CTNNA1: variants seen among roughly 807,000 people sequenced by gnomAD.
CTNNA1 encodes the protein catenin alpha 1.
CTNNA1 carries 37 observed loss-of-function variants against 98.4 expected under a neutral mutation model. The observed-to-expected ratio is 0.38, with a 90% CI of 0.29 to 0.49. The LOEUF (loss-of-function observed/expected upper bound fraction) is 0.49, where lower values mean the gene tolerates loss of function less well. CTNNA1 is among the 20% of genes least tolerant of loss of function. CTNNA1 has a pLI of 0.95. For missense variants in CTNNA1, 761 were observed against 1,147.2 expected (o/e 0.66, Z 4.86); for synonymous variants, 404 against 413.2 (o/e 0.98, Z 0.27).
chr5:138,922,477 T>C (rs2150269776), intron 11 of CTNNA1, among the ~76,000 whole-genome samples: 1 of 152,368 alleles, frequency 6.6e-6, no homozygotes. Context: ...TTCATTTACA[T>C]ATAGTTGTCT....
chr5:138,919,289 A>G (rs775819724), intron 11 of CTNNA1, among the ~76,000 whole-genome samples: 7 of 152,188 alleles, frequency 4.6e-5, no homozygotes, highest in African/African-American at 9.7e-5. Context: ...GCAAACAACA[A>G]ATTCTGAAAT....
At position 138,924,595 on chromosome 5, in the gene CTNNA1, A is replaced by C. The variant is rs777464189; in HGVS notation, c.1632A>C (p.Ala544=). ...ATGGCCTGGACCGCACAGCTGGTGC[A>C]ATTCGAGGCCGGGCAGCCCGGGTCA... ...DVDGLDRTAG[A]IRGRAARVIH... Residue 544 remains alanine, a synonymous_variant, in exon 12 of 18, where the codon GCA becomes GCC. Coordinates refer to ENST00000302763, the MANE Select transcript of CTNNA1 (RefSeq NM_001903.5). 2.1e-5 allele frequency: 34 copies of C among 1,614,066 alleles called. No homozygotes were observed. The African/African-American group carries it at 3.6e-4, about 17-fold the overall frequency.
chr5:138,874,687 T>C lies in CTNNA1; in HGVS notation c.1063-11525T>C. ...CACTGCATATAACTTATTTTTCATT[T>C]ACTGCAGAAAAATTAACCTTATTGG... is the stretch of plus-strand genomic sequence containing the variant. On this transcript the variant is annotated intron_variant, in intron 7 of 17. Coordinates refer to ENST00000302763, the MANE Select transcript of CTNNA1 (RefSeq NM_001903.5). This position sits in a 1 kb window ranked among gnomAD's most constrained non-coding sequence, Gnocchi z 4.1. The C allele has an allele frequency of 2.7e-6, 2 of 752,732 alleles. No individual in the cohort carries two copies. The highest frequency in any genetic ancestry group is 2.7e-5 in the East Asian group (1 of 36,910). The allele number at this position is 752,732 out of a possible 1,614,324, so 46.6% of individuals were successfully genotyped here. A position where few individuals can be genotyped will look rare whatever the true frequency, so the allele number is the denominator to read the frequency against.
intron 9 of CTNNA1, among the ~76,000 whole-genome samples, chr5:138,892,185 G>A (rs1320310929): frequency 2.0e-5 from 3 of 152,020 alleles, no homozygotes; most frequent in Non-Finnish European, 4.4e-5. Flanking sequence ...TGTTACAGGC[G>A]TGTCCTTAAC....
chr5:138,887,438 T>G (rs757108125), intron 8 of CTNNA1, 52 bp from the exon 9 acceptor site: 18 of 1,392,598 alleles, frequency 1.3e-5, no homozygotes, highest in Non-Finnish European at 1.3e-5. Context: ...AGCAATCTAT[T>G]TAATACCTTT....
intron 1 of CTNNA1, among the ~76,000 whole-genome samples, chr5:138,775,736 T>A (rs968438220): frequency 1.4e-5 from 2 of 143,090 alleles, no homozygotes; most frequent in Non-Finnish European, 3.0e-5. Flanking sequence ...TTTTTTTTTT[T>A]TTTGAGTCGG....
At chr5:138,921,791 G>A (rs1241622613) in intron 11 of CTNNA1, among the ~76,000 whole-genome samples, 1 of 151,586 alleles carries the variant, frequency 6.6e-6, no homozygotes, top group Non-Finnish European at 1.5e-5. Flanking sequence ...AGTAGAGACG[G>A]GGTTTCACCA....
At chr5:138,804,839 C>A (rs1210116143) in intron 3 of CTNNA1, among the ~76,000 whole-genome samples, 1 of 152,118 alleles carries the variant, frequency 6.6e-6, no homozygotes, top group Non-Finnish European at 1.5e-5. Flanking sequence ...ATGAAAACTG[C>A]AATTACTTTT....
intron 7 of CTNNA1, among the ~76,000 whole-genome samples, chr5:138,852,202 A>G (rs895661479): frequency 2.4e-4 from 36 of 152,324 alleles, no homozygotes; most frequent in Admixed American, 1.8e-3. Context: ...TACTTGAGTA[A>G]TAGGGGTATG....
At chr5:138,855,440 A>T (rs1763649409) in intron 7 of CTNNA1, among the ~76,000 whole-genome samples, 1 of 152,280 alleles carries the variant, frequency 6.6e-6, no homozygotes, top group Non-Finnish European at 1.5e-5. Flanking sequence ...CAAAGTTACC[A>T]GCAGATGCCC....
chr5:138,911,331 C>T (rs1228110869), intron 10 of CTNNA1, among the ~76,000 whole-genome samples: 1 of 152,130 alleles, frequency 6.6e-6, no homozygotes, highest in African/African-American at 2.4e-5. Context: ...AATGGCCTCC[C>T]AAACATGTCA....
At chr5:138,864,237 C>T (rs1235154190) in intron 7 of CTNNA1, among the ~76,000 whole-genome samples, 1 of 152,180 alleles carries the variant, frequency 6.6e-6, no homozygotes, top group Non-Finnish European at 1.5e-5. Flanking sequence ...CAGGCATGAG[C>T]CACTGCACCT....
chr5:138,858,621 A>T (rs1202994017), intron 7 of CTNNA1, among the ~76,000 whole-genome samples: 18 of 88,276 alleles, frequency 2.0e-4, no homozygotes, highest in Admixed American at 6.0e-4. Context: ...TTTGAGACAG[A>T]GTCTTATTCT....
intron 7 of CTNNA1, among the ~76,000 whole-genome samples, chr5:138,877,441 CTT>C (rs70982737): frequency 0.011 from 1,557 of 136,738 alleles, 17 homozygotes; most frequent in African/African-American, 0.039. Context: ...TCTTAAATTT[CTT>C]TTTTTTTTTT....
intron 7 of CTNNA1, among the ~76,000 whole-genome samples, chr5:138,862,022 C>G (rs1764331688): frequency 6.6e-6 from 1 of 152,054 alleles, no homozygotes. Context: ...AAGACAATGC[C>G]AAGAAAGTTG....
At chr5:138,781,043 A>G (rs1755039115) in intron 1 of CTNNA1, among the ~76,000 whole-genome samples, 1 of 152,172 alleles carries the variant, frequency 6.6e-6, no homozygotes, top group South Asian at 2.1e-4. Context: ...ACTAAGTGTG[A>G]TTTGAAATTT....
chr5:138,881,941 G>A (rs1428701646), intron 7 of CTNNA1, among the ~76,000 whole-genome samples: 1 of 152,188 alleles, frequency 6.6e-6, no homozygotes, highest in Non-Finnish European at 1.5e-5. Flanking sequence ...ATTAAAATGA[G>A]GATAGAAAGC....
intron 5 of CTNNA1, among the ~76,000 whole-genome samples, chr5:138,813,072 C>CA (rs1382254466): frequency 2.6e-5 from 4 of 152,186 alleles, no homozygotes; most frequent in Admixed American, 6.5e-5. Flanking sequence ...ACCCAGCTCC[C>CA]AAACTGCTTG....
intron 3 of CTNNA1, among the ~76,000 whole-genome samples, chr5:138,799,322 G>C (rs920675962): frequency 1.3e-5 from 2 of 152,044 alleles, no homozygotes; most frequent in African/African-American, 4.8e-5. Context: ...CACCACGCCT[G>C]GCTAATTTTG....
Sources: allele counts gnomAD v4.1 joint callset (sites outside exome capture counted in the v4.1 genomes callset), GRCh38; gene constraint gnomAD v4.1.1; non-coding constraint Gnocchi (gnomAD v3.1); transcripts MANE v1.5; gene names NCBI Gene and HGNC (gene_info 2026-07-23, HGNC 2026-07-21).